The following LHPP variants were observed in gnomAD, a reference collection of about 807,000 sequenced individuals.
The protein encoded by LHPP is hLHPP.
In LHPP, 24 loss-of-function variants were observed where a neutral mutation model predicts 30.3. The ratio of observed to expected loss-of-function variants is 0.79; its 90% CI spans 0.57 to 1.11. The LOEUF (loss-of-function observed/expected upper bound fraction) is 1.11, where lower values mean the gene tolerates loss of function less well. Among genes scored for constraint, LHPP ranks in the 50% most tolerant of loss-of-function variants. The probability of loss-of-function intolerance (pLI) is 0.00; values close to 1 mark genes in which losing one functional copy is unlikely to be tolerated. For synonymous variants in LHPP, 150 were observed against 157.1 expected, an observed-to-expected ratio of 0.95 and a Z score of 0.34; for missense variants, 356 against 367.2, an observed-to-expected ratio of 0.97 and a Z score of 0.25.
intron 5 of LHPP, among the ~76,000 whole-genome samples, chr10:124,505,150 T>A (rs150507139): frequency 6.6e-6 from 1 of 152,256 alleles, no homozygotes; most frequent in African/African-American, 2.4e-5. Context: ...GTTCCGAACG[T>A]CCCCACCCTG....
At chr10:124,472,560 C>CTTT (rs1344794719) in intron 1 of LHPP, among the ~76,000 whole-genome samples, 4 of 141,606 alleles carry the variant, frequency 2.8e-5, no homozygotes, top group African/African-American at 7.7e-5. Flanking sequence ...TATAAACTTA[C>CTTT]TTTTTTTTTT....
chr10:124,505,477 C>G (rs769751264), intron 5 of LHPP, among the ~76,000 whole-genome samples: 2 of 152,158 alleles, frequency 1.3e-5, no homozygotes, highest in African/African-American at 4.8e-5. Context: ...AGTCTGCACT[C>G]AGAATAGATA....
At position 124,551,169 on chromosome 10, in the gene LHPP, C is replaced by G. The variant is rs1052074434; in HGVS notation, c.716+33898C>G. On this transcript the variant is annotated intron_variant, in intron 6 of 6. Transcript: ENST00000368842. Reference sequence around the variant, plus strand: ...GGGGTTCCTGGGGAGATGGCTCCCCCCAGCCTCGCCTCCTCCCTGCCTCAG... The same window carrying G: ...GGGGTTCCTGGGGAGATGGCTCCCCGCAGCCTCGCCTCCTCCCTGCCTCAG... Among the ~76,000 whole-genome samples, 6 of 152,150 alleles carry G rather than the reference C, an allele frequency of 3.9e-5. No homozygotes were observed. The East Asian group carries it at 1.2e-3, about 29-fold the overall frequency.
At chr10:124,561,767 G>T (rs1948398701) in intron 6 of LHPP, among the ~76,000 whole-genome samples, 1 of 151,874 alleles carries the variant, frequency 6.6e-6, no homozygotes. Flanking sequence ...GAAAGGGAAG[G>T]TTTAAATAAG....
chr10:124,560,664 G>A (rs7915230), intron 6 of LHPP, among the ~76,000 whole-genome samples: 69,081 of 152,040 alleles, frequency 0.45, 16,327 homozygotes, highest in East Asian at 0.73. Context: ...ACAGGTGAGC[G>A]GGGGCACTAG....
chr10:124,484,104 G>C (rs1272275067), intron 1 of LHPP, 35 bp from the exon 2 acceptor site: 1 of 1,604,210 alleles, frequency 6.2e-7, no homozygotes, highest in Non-Finnish European at 8.5e-7. Context: ...CACTCCACGT[G>C]CTGACTTCCC....
At chr10:124,540,324 G>C (rs535951107) in intron 6 of LHPP, among the ~76,000 whole-genome samples, 2 of 152,232 alleles carry the variant, frequency 1.3e-5, no homozygotes, top group Non-Finnish European at 2.9e-5. Flanking sequence ...GTTCCCACCA[G>C]GGGGCGGCAG....
chr10:124,484,618 C>T (rs376658738), intron 2 of LHPP, among the ~76,000 whole-genome samples: 4 of 150,480 alleles, frequency 2.7e-5, no homozygotes, highest in East Asian at 2.0e-4. Context: ...ATGGACCAAG[C>T]GGCCAGGGAA....
At chr10:124,527,773 T>A (rs915762894) in intron 6 of LHPP, among the ~76,000 whole-genome samples, 2 of 101,758 alleles carry the variant, frequency 2.0e-5, no homozygotes, top group Non-Finnish European at 3.8e-5. Context: ...CTCTTTGTGC[T>A]TTTTTTTTTT....
chr10:124,528,666 C>T (rs1455542321), intron 6 of LHPP, among the ~76,000 whole-genome samples: 1 of 152,190 alleles, frequency 6.6e-6, no homozygotes. Context: ...GCCTTCCCCA[C>T]TGCCTTTAAA....
intron 6 of LHPP, among the ~76,000 whole-genome samples, chr10:124,525,796 A>G (rs555903863): frequency 3.3e-5 from 5 of 152,308 alleles, no homozygotes; most frequent in African/African-American, 1.2e-4. Context: ...ACTGACCCTC[A>G]TTAGCATTCT....
chr10:124,549,080 G>A (rs1955418319), intron 6 of LHPP, among the ~76,000 whole-genome samples: 1 of 152,202 alleles, frequency 6.6e-6, no homozygotes, highest in Non-Finnish European at 1.5e-5. Context: ...AGTCTAAAGT[G>A]AAAATCTAAT....
chr10:124,537,008 A>G (rs1431381907), intron 6 of LHPP, among the ~76,000 whole-genome samples: 2 of 152,198 alleles, frequency 1.3e-5, no homozygotes. Context: ...TAAAAGTAAC[A>G]GCCATCTTTT....
intron 6 of LHPP, among the ~76,000 whole-genome samples, chr10:124,547,512 CT>C (rs1005197314): frequency 2.0e-5 from 3 of 152,252 alleles, no homozygotes; most frequent in Admixed American, 6.5e-5. Context: ...ATAGGGTGAG[CT>C]TCTGTCTCCC....
rs1053522280 is a variant in LHPP at position 124,523,129 on chromosome 10, G to A, written c.716+5858G>A. 2.6e-5 allele frequency among the ~76,000 whole-genome samples: 4 copies of A among 152,204 alleles called. No individual in the cohort carries two copies. The highest frequency in any genetic ancestry group is 9.6e-5 in the African/African-American group (4 of 41,460). ...TGCTGTGTAAATAAAGCCGCGATGC[G>A]GAGCTCGCCTCTGGTCTTCTCTTAT... On this transcript the variant is annotated intron_variant, in intron 6 of 6. Coordinates refer to ENST00000368842, the MANE Select transcript of LHPP (RefSeq NM_022126.4). This position sits in a 1 kb window ranked among gnomAD's most constrained non-coding sequence, Gnocchi z 4.2.
intron 5 of LHPP, among the ~76,000 whole-genome samples, chr10:124,501,708 G>A (rs988687629): frequency 1.3e-5 from 2 of 151,548 alleles, no homozygotes; most frequent in Non-Finnish European, 2.9e-5. Context: ...CTCTGGTCAC[G>A]GTCATAAATT....
At chr10:124,471,311 C>T (rs1364646058) in intron 1 of LHPP, among the ~76,000 whole-genome samples, 12 of 147,670 alleles carry the variant, frequency 8.1e-5, no homozygotes, top group African/African-American at 1.5e-4. Context: ...TGCAGGTCCC[C>T]GGGCCAGGAG....
intron 6 of LHPP, among the ~76,000 whole-genome samples, chr10:124,587,304 G>A (rs1948817067): frequency 1.3e-5 from 2 of 151,780 alleles, no homozygotes; most frequent in Admixed American, 1.3e-4. Context: ...CAAAGTGCTG[G>A]GATTGCAAGC....
chr10:124,515,209 T>C (rs1173432355), intron 5 of LHPP, among the ~76,000 whole-genome samples: 1 of 152,214 alleles, frequency 6.6e-6, no homozygotes, highest in Non-Finnish European at 1.5e-5. Flanking sequence ...TCTGCCTCTG[T>C]TTCATTTTGG....
Sources: allele counts gnomAD v4.1 joint callset (sites outside exome capture counted in the v4.1 genomes callset), GRCh38; gene constraint gnomAD v4.1.1; non-coding constraint Gnocchi (gnomAD v3.1); transcripts MANE v1.5; gene names NCBI Gene and HGNC (gene_info 2026-07-23, HGNC 2026-07-21).